Variants in TMC6 observed in about 807,000 individuals in gnomAD.
TMC6 encodes the protein transmembrane channel like 6.
In TMC6, 71 loss-of-function variants were observed where a neutral mutation model predicts 95.4. The observed-to-expected ratio is 0.74, with a 90% CI of 0.61 to 0.91. The LOEUF (loss-of-function observed/expected upper bound fraction) is 0.91. TMC6 is among the 40% of genes least tolerant of loss of function. The pLI is 0.00. For synonymous variants in TMC6, 514 were observed against 483.1 expected, an observed-to-expected ratio of 1.06 and a Z score of -0.84; for missense variants, 1,074 against 1,079.1, an observed-to-expected ratio of 1.00 and a Z score of 0.07.
chr17:78,126,063 G>A, intron 4 of TMC6, 179 bp from the exon 5 acceptor site: 1 of 1,133,524 alleles, frequency 8.8e-7, no homozygotes, highest in South Asian at 1.5e-5. Flanking sequence ...TGATGACTCT[G>A]GAGTCATTTT....
rs2073822713 is a variant in TMC6, at chr17:78,111,413, G to A, written c.*1735C>T. ...GCAGGCGCACGTCCCCAGCCAGAGA[G>A]GGACCGTGATGGTTTGGAGGACAGC... On this transcript the variant is annotated 3_prime_UTR_variant, in exon 20 of 20. Transcript: ENST00000590602. 1 of 152,352 alleles carries A rather than the reference G, an allele frequency of 6.6e-6. No homozygotes were observed. The highest frequency in any genetic ancestry group is 2.4e-5 in the African/African-American group (1 of 41,474). 9.4% of individuals were successfully genotyped at this position (152,352 alleles called of 1,614,324 possible).
intron 17 of TMC6, 49 bp from the exon 18 acceptor site, chr17:78,117,396 C>A (rs199943470): frequency 6.2e-7 from 1 of 1,612,250 alleles, no homozygotes; most frequent in Non-Finnish European, 8.5e-7. Flanking sequence ...AGCCCGGGAG[C>A]GGCCAGTCCC....
At chr17:78,126,409 T>C (rs1442402841) in intron 3 of TMC6, 43 bp from the exon 4 acceptor site, 6 of 1,603,432 alleles carry the variant, frequency 3.7e-6, no homozygotes, top group Non-Finnish European at 3.4e-6. Flanking sequence ...GGAGATGCCA[T>C]TGGCCACAGT....
In TMC6 at chr17:78,124,928, G is replaced by C. The variant is rs1199083048; in HGVS notation, c.594C>G (p.Val198=). 6 of 1,597,484 alleles carry C rather than the reference G, an allele frequency of 3.8e-6. No individual in the cohort carries two copies. Among genetic ancestry groups the C allele is most frequent in the Non-Finnish European group, 5.1e-6 (6 of 1,174,048 alleles). ...ATCTGAGCCGGCCACAGCAGGAGCA[G>C]ACCCCGCCGCTGCCCGGCTGGCCCC... is the stretch of plus-strand genomic sequence containing the variant. ...KWRGQPGSGG[V]CSCCGRLRYA... The change falls in exon 7 of 20, where the codon GTC becomes GTG. Residue 198 remains valine, a synonymous_variant. Coordinates refer to ENST00000590602, the MANE Select transcript of TMC6 (RefSeq NM_001127198.5).
At chr17:78,131,897 C>G (rs1366890047), upstream of TMC6, 1 of 1,468,302 alleles carries the variant, frequency 6.8e-7, no homozygotes, top group Non-Finnish European at 9.0e-7. Context: ...TGCGGGAGCC[C>G]GCGGGGGTGC....
chr17:78,124,491 AC>A lies in TMC6; in HGVS notation c.891+32del, dbSNP rs766635393. ...GGTACCAGGGTAGCAGAAGACAGGC[AC>A]CCCCCGTCCCCCAGTCCTAGGGCTT... On this transcript the variant is annotated intron_variant, in intron 8 of 19. Coordinates refer to ENST00000590602, the MANE Select transcript of TMC6 (RefSeq NM_001127198.5). 1.8e-5 allele frequency: 29 copies of A among 1,600,840 alleles called. No individual in the cohort carries two copies. In the African/African-American group the frequency reaches 2.8e-4, roughly 16 times the overall value.
At chr17:78,125,034 T>C in intron 6 of TMC6, 49 bp from the exon 7 acceptor site, 1 of 1,547,356 alleles carries the variant, frequency 6.5e-7, no homozygotes, top group Non-Finnish European at 8.7e-7. Flanking sequence ...GGGGCCTGAC[T>C]CTCTCCTTCC....
Position 78,121,186 on chromosome 17 carries a change from T to A in TMC6, c.1384-22A>T. The stretch of plus-strand genomic sequence containing the variant: ...GACTCTGCAGGGGTGCAGGGAGCGG[T>A]GTCATGGAAGCCCCCCATCCATGGT... On this transcript the variant is annotated intron_variant, in intron 11 of 19. Transcript: ENST00000590602. The surrounding 1 kb of genome is among the most constrained non-coding windows in gnomAD (Gnocchi z 5.6). 6.4e-7 allele frequency: 1 copy of A among 1,565,428 alleles called. No homozygotes were observed. Among genetic ancestry groups the A allele is most frequent in the Non-Finnish European group, 8.6e-7 (1 of 1,156,660 alleles).
chr17:78,112,701 G>C lies in TMC6; in HGVS notation c.*447C>G. ...GCCTGCTCGGCTCACTTGTGCAGGT[G>C]TAAGCCCCTCCTGGGCGCGAGTTCA... On this transcript the variant is annotated 3_prime_UTR_variant, in exon 20 of 20. Coordinates refer to ENST00000590602, the MANE Select transcript of TMC6 (RefSeq NM_001127198.5). The C allele has an allele frequency of 4.1e-6, 1 of 240,980 alleles. No individual in the cohort carries two copies. Among genetic ancestry groups the C allele is most frequent in the Non-Finnish European group, 8.2e-6 (1 of 121,354 alleles). 14.9% of individuals were successfully genotyped at this position (240,980 alleles called of 1,614,324 possible). A position where few individuals can be genotyped will look rare whatever the true frequency, so the allele number is the denominator to read the frequency against.
At position 78,113,086 on chromosome 17, in the gene TMC6, C is replaced by T. The variant is rs924155989; in HGVS notation, c.*62G>A. ...TTGTCCTGGTGTCCCAGCAGGGTCA[C>T]TGGGAGGCAACAGTGTGGTCTCAGG... is the stretch of plus-strand genomic sequence containing the variant. On this transcript the variant is annotated 3_prime_UTR_variant, in exon 20 of 20. Coordinates refer to ENST00000590602, the MANE Select transcript of TMC6 (RefSeq NM_001127198.5). 2 of 1,536,584 alleles carry T rather than the reference C, an allele frequency of 1.3e-6. No homozygotes were observed. The highest frequency in any genetic ancestry group is 2.7e-5 in the African/African-American group (2 of 72,770).
rs1337405657 is a variant in TMC6, at chr17:78,112,189, C to T, written c.*959G>A. The T allele has an allele frequency of 4.3e-6, 1 of 234,152 alleles. No homozygotes were observed. The highest frequency in any genetic ancestry group is 8.5e-6 in the Non-Finnish European group (1 of 117,734). The allele number at this position is 234,152 out of a possible 1,614,324, so 14.5% of individuals were successfully genotyped here. A position where few individuals can be genotyped will look rare whatever the true frequency, so the allele number is the denominator to read the frequency against. On this transcript the variant is annotated 3_prime_UTR_variant, in exon 20 of 20. Coordinates refer to ENST00000590602, the MANE Select transcript of TMC6 (RefSeq NM_001127198.5). ...CCCCACAGACCTGGAGCACTGGGGT[C>T]ATGACGGGCTGGTCCCCGCAGGCCT...
upstream of TMC6, chr17:78,128,781 C>T (rs528430430): frequency 7.0e-4 from 98 of 139,772 alleles, no homozygotes; most frequent in African/African-American, 2.6e-3. The surrounding 1 kb of genome is among the most constrained non-coding windows in gnomAD (Gnocchi z 4.0). Context: ...GTAGCCGCAC[C>T]TCCCGGCCCA....
At chr17:78,115,376 C>G (rs1222910197) in intron 18 of TMC6, among the ~76,000 whole-genome samples, 1 of 152,156 alleles carries the variant, frequency 6.6e-6, no homozygotes, top group Non-Finnish European at 1.5e-5. Context: ...CTCACCAGCC[C>G]CAGAGTGAAA....
At position 78,108,928 on chromosome 17, in the gene TMC6, C is replaced by A. The variant is rs900645391; in HGVS notation, c.*4220G>T. The A allele has an allele frequency of 6.4e-6, 1 of 157,344 alleles. No homozygotes were observed. Among genetic ancestry groups the A allele is most frequent in the Non-Finnish European group, 1.4e-5 (1 of 70,732 alleles). 9.7% of individuals were successfully genotyped at this position (157,344 alleles called of 1,614,324 possible). A position where few individuals can be genotyped will look rare whatever the true frequency, so the allele number is the denominator to read the frequency against. On this transcript the variant is annotated 3_prime_UTR_variant, in exon 20 of 20. Coordinates refer to ENST00000590602, the MANE Select transcript of TMC6 (RefSeq NM_001127198.5). ...TAATCTCGGCTCACTGCAACCTTGA[C>A]CTCAAGGTTAAGCTCCAGCGATCTT...
In TMC6 at chr17:78,117,315, C is replaced by T. The variant is rs765770297; in HGVS notation, c.2231G>A (p.Arg744Gln). ...AVIYLNIQVV[R>Q]GQRKVICLLK... ...CAGGCAGATGACCTTGCGCTGGCCCCGCACCACCTGGATGTTGAGGTAGAT... is the reference window on the plus strand; with the variant it reads ...CAGGCAGATGACCTTGCGCTGGCCCTGCACCACCTGGATGTTGAGGTAGAT... The change falls in exon 18 of 20, where the codon CGG (arginine) becomes CAG (glutamine). Residue 744 changes from arginine to glutamine, a missense_variant. By Grantham distance (43) the Arg-to-Gln change is conservative (BLOSUM62 1). Transcript: ENST00000590602. The T allele has an allele frequency of 9.3e-6, 15 of 1,613,516 alleles. No homozygotes were observed. The highest frequency in any genetic ancestry group is 1.7e-5 in the Admixed American group (1 of 60,024).
chr17:78,121,491 G>A lies in TMC6; in HGVS notation c.1383+65C>T, dbSNP rs1191152152. 1 of 1,607,038 alleles carries A rather than the reference G, an allele frequency of 6.2e-7. No individual in the cohort carries two copies. The highest frequency in any genetic ancestry group is 2.2e-5 in the East Asian group (1 of 44,678). ...GAGAGGCAAGGCTGCCTCCCCAGGG[G>A]GCAGGTGCCCAGAGTCACTGGGGAC... On this transcript the variant is annotated intron_variant, in intron 11 of 19. Coordinates refer to ENST00000590602, the MANE Select transcript of TMC6 (RefSeq NM_001127198.5). The surrounding 1 kb of genome is among the most constrained non-coding windows in gnomAD (Gnocchi z 5.6).
In TMC6 at chr17:78,119,009, G is replaced by A; in HGVS notation, c.1849C>T (p.Gln617Ter). 6.2e-7 allele frequency: 1 copy of A among 1,604,582 alleles called. No homozygotes were observed. Residue 617 changes from glutamine (Q) to a stop codon, truncating the protein, a stop_gained, in exon 15 of 20, where the codon CAG becomes TAG. Coordinates refer to ENST00000590602, the MANE Select transcript of TMC6 (RefSeq NM_001127198.5). LOFTEE classifies it high-confidence loss of function. Reference sequence around the variant, plus strand: ...AAGACGAGCAGCAGCTTGATGATCTGCACGGCGGGGAGGAGGGGCGAGAAG... The same window carrying A: ...AAGACGAGCAGCAGCTTGATGATCTACACGGCGGGGAGGAGGGGCGAGAAG... ...VLFSPLLPAV[Q>*]IIKLLLVFYV...
chr17:78,120,921 G>A lies in TMC6; in HGVS notation c.1536-89C>T, dbSNP rs759085535. The stretch of plus-strand genomic sequence containing the variant: ...CCCCCACCAGGGGCTTGGTCACACC[G>A]GCCTCATCCTAAGTAGGTTTGGATA... On this transcript the variant is annotated intron_variant, in intron 12 of 19. Coordinates refer to ENST00000590602, the MANE Select transcript of TMC6 (RefSeq NM_001127198.5). 1.7e-5 allele frequency: 28 copies of A among 1,611,712 alleles called. No individual in the cohort carries two copies. The Admixed American group carries it at 2.2e-4, about 12-fold the overall frequency.
At chr17:78,130,256 C>T (rs998096563), upstream of TMC6, among the ~76,000 whole-genome samples, 3 of 152,210 alleles carry the variant, frequency 2.0e-5, no homozygotes, top group African/African-American at 7.2e-5. Context: ...GCAGTAACAC[C>T]AAGAGTATCT....
Sources: gnomAD v4.1 joint callset for allele counts (sites outside exome capture counted in the v4.1 genomes callset) on GRCh38, gnomAD v4.1.1 for gene constraint, Gnocchi (gnomAD v3.1) non-coding constraint, MANE v1.5 for transcripts, NCBI Gene and HGNC (gene_info 2026-07-23, HGNC 2026-07-21) for gene names.